GRM3: variants seen among roughly 807,000 people sequenced by gnomAD.
GRM3 encodes the protein metabotropic glutamate receptor 3.
Under a neutral mutation model 70.5 loss-of-function variants are expected in GRM3, and 26 were observed. The observed-to-expected ratio is 0.37, with a 90% CI of 0.27 to 0.51. The LOEUF (loss-of-function observed/expected upper bound fraction) is 0.51, where lower values mean the gene tolerates loss of function less well. Ranked by LOEUF, GRM3 falls within the 20% of genes least tolerant of loss-of-function variation. The pLI, the probability that GRM3 is intolerant of heterozygous loss-of-function variation, is 0.93. For synonymous variants in GRM3, 443 were observed against 434.9 expected, an observed-to-expected ratio of 1.02 and a Z score of -0.23; for missense variants, 859 against 1,123.8, an observed-to-expected ratio of 0.76 and a Z score of 3.37.
intron 1 of GRM3, among the ~76,000 whole-genome samples, chr7:86,655,137 A>G (rs1404088185): frequency 6.6e-6 from 1 of 152,220 alleles, no homozygotes; most frequent in African/African-American, 2.4e-5. Context: ...CTCAACATGA[A>G]TATCTAGTCT....
chr7:86,646,532 C>T (rs776986935), intron 1 of GRM3, among the ~76,000 whole-genome samples: 2 of 151,988 alleles, frequency 1.3e-5, no homozygotes, highest in Non-Finnish European at 2.9e-5. Flanking sequence ...AATGAAATTC[C>T]AGAATATCTA....
Position 86,765,269 on chromosome 7 carries a change from G to A in GRM3, c.124G>A (p.Gly42Arg). ...EIKIEGDLVL[G>R]GLFPINEKGT... ...TAAAATAGAAGGTGACCTTGTTTTA[G>A]GGGGCCTGTTTCCTATTAACGAAAA... The change falls in exon 2 of 6, where the codon GGG becomes AGG. Residue 42 changes from glycine to arginine, a missense_variant. Coordinates refer to ENST00000361669, the MANE Select transcript of GRM3 (RefSeq NM_000840.3). 6.2e-7 allele frequency: 1 copy of A among 1,613,830 alleles called. No individual in the cohort carries two copies. Among genetic ancestry groups the A allele is most frequent in the East Asian group, 2.2e-5 (1 of 44,860 alleles).
At chr7:86,749,481 C>T (rs1343675544) in intron 1 of GRM3, among the ~76,000 whole-genome samples, 1 of 151,992 alleles carries the variant, frequency 6.6e-6, no homozygotes, top group Non-Finnish European at 1.5e-5. Flanking sequence ...TGTGCTAAGC[C>T]ACAAGTAAAA....
At chr7:86,706,124 AC>A (rs1247428796) in intron 1 of GRM3, among the ~76,000 whole-genome samples, 3 of 151,932 alleles carry the variant, frequency 2.0e-5, no homozygotes, top group African/African-American at 7.3e-5. Context: ...ACTAAGAGAC[AC>A]AATTTATAAT....
At chr7:86,687,064 A>G (rs1314017854) in intron 1 of GRM3, among the ~76,000 whole-genome samples, 3 of 152,016 alleles carry the variant, frequency 2.0e-5, no homozygotes, top group African/African-American at 7.2e-5. Context: ...ATTAATCCCT[A>G]TAAAAGAAAA....
intron 1 of GRM3, among the ~76,000 whole-genome samples, chr7:86,741,584 A>G (rs911286469): frequency 3.0e-4 from 46 of 152,258 alleles, no homozygotes; most frequent in African/African-American, 1.0e-3. Flanking sequence ...CAGCTCACTA[A>G]TTTGCTACCC....
At position 86,686,482 on chromosome 7, in the gene GRM3, G is replaced by A. The variant is rs539958190; in HGVS notation, c.-141+41610G>A. ...GGGGTTGCAAAGATATTTCAGAGACGTTTTTAAGGAAAAACAGTTTAGTAT... is the reference window on the plus strand; with the variant it reads ...GGGGTTGCAAAGATATTTCAGAGACATTTTTAAGGAAAAACAGTTTAGTAT... On this transcript the variant is annotated intron_variant, in intron 1 of 5. Transcript: ENST00000361669. Among the ~76,000 whole-genome samples the A allele has an allele frequency of 2.0e-5, 3 of 152,242 alleles. No individual in the cohort carries two copies. In the South Asian group the frequency reaches 6.2e-4, roughly 32 times the overall value.
Position 86,786,887 on chromosome 7 carries a change from C to T in GRM3, c.1095C>T (p.Asn365=), listed in dbSNP as rs148805080. The T allele has an allele frequency of 2.1e-4, 333 of 1,614,090 alleles. No homozygotes were observed. Among genetic ancestry groups the T allele is most frequent in the Non-Finnish European group, 2.7e-4 (314 of 1,180,016 alleles). ...WEQKFQCSLQ[N]KRNHRRVCDK... is the part of the protein sequence containing the mutation. ...AAAAGTTTCAGTGCAGCCTCCAGAA[C>T]AAACGCAACCACAGGCGCGTCTGCG... The change falls in exon 3 of 6, where the codon AAC becomes AAT. Residue 365 remains asparagine (N), a synonymous_variant. Transcript: ENST00000361669. This position sits in a 1 kb window ranked among gnomAD's most constrained non-coding sequence, Gnocchi z 6.0.
chr7:86,778,926 G>A (rs542759897), intron 2 of GRM3, among the ~76,000 whole-genome samples: 1 of 152,298 alleles, frequency 6.6e-6, no homozygotes, highest in Non-Finnish European at 1.5e-5. Flanking sequence ...TCATACTGAA[G>A]TAGGGTAGGT....
chr7:86,689,872 T>A (rs1038297479), intron 1 of GRM3, among the ~76,000 whole-genome samples: 6 of 152,152 alleles, frequency 3.9e-5, no homozygotes, highest in African/African-American at 1.2e-4. Context: ...TATATTTGCT[T>A]ATAAGTAAAT....
chr7:86,698,954 G>A (rs749007014), intron 1 of GRM3, among the ~76,000 whole-genome samples: 5 of 151,958 alleles, frequency 3.3e-5, no homozygotes, highest in Non-Finnish European at 5.9e-5. Flanking sequence ...TTTTGCACAC[G>A]TATTGATGCT....
At chr7:86,714,671 A>C (rs1464961154) in intron 1 of GRM3, among the ~76,000 whole-genome samples, 3 of 152,068 alleles carry the variant, frequency 2.0e-5, no homozygotes, top group Non-Finnish European at 4.4e-5. Context: ...ATAAAGATTC[A>C]ATTTATTATC....
At chr7:86,743,482 A>G (rs1584208319) in intron 1 of GRM3, among the ~76,000 whole-genome samples, 1 of 152,090 alleles carries the variant, frequency 6.6e-6, no homozygotes, top group Admixed American at 6.6e-5. Flanking sequence ...ACATTTATCT[A>G]TAAGGGTCCA....
In GRM3 at chr7:86,648,221, A is replaced by T. The variant is rs111393741; in HGVS notation, c.-141+3349A>T. On this transcript the variant is annotated intron_variant, in intron 1 of 5. Transcript: ENST00000361669. ...TATGTTCCTAATAATTTAATTTACTAATGTAAGAATTAAGAAATTACCTTT... is the reference window on the plus strand; with the variant it reads ...TATGTTCCTAATAATTTAATTTACTTATGTAAGAATTAAGAAATTACCTTT... Among the ~76,000 whole-genome samples, 1,044 of 152,306 alleles carry T rather than the reference A, an allele frequency of 6.9e-3. 17 individuals carry two copies. Among genetic ancestry groups the T allele is most frequent in the African/African-American group, 0.024 (979 of 41,564 alleles).
chr7:86,742,715 T>C (rs10262216), intron 1 of GRM3, among the ~76,000 whole-genome samples: 3,349 of 152,168 alleles, frequency 0.022, 86 homozygotes, highest in African/African-American at 0.061. Context: ...GCAAAAATTC[T>C]TATTGAATCA....
chr7:86,743,524 T>G (rs1796036374), intron 1 of GRM3, among the ~76,000 whole-genome samples: 1 of 152,156 alleles, frequency 6.6e-6, no homozygotes, highest in Non-Finnish European at 1.5e-5. Context: ...TGCAGCTGCA[T>G]ATATTGTCCT....
rs749008137 is a variant in GRM3 at position 86,786,428 on chromosome 7, C to A, written c.636C>A (p.Tyr212Ter). 4 of 1,614,120 alleles carry A rather than the reference C, an allele frequency of 2.5e-6. No homozygotes were observed. In the Admixed American group the frequency reaches 5.0e-5, roughly 20 times the overall value. The change falls in exon 3 of 6, where the codon TAC (tyrosine) becomes TAA (stop). Residue 212 changes from tyrosine to a stop codon, truncating the protein, a stop_gained. Transcript: ENST00000361669. LOFTEE classifies it high-confidence loss of function. The surrounding 1 kb of genome is among the most constrained non-coding windows in gnomAD (Gnocchi z 6.0). ...AEILRFFNWT[Y>*]VSTVASEGDY... Reference sequence around the variant, plus strand: ...TCTTGCGCTTCTTCAACTGGACCTACGTGTCCACAGTAGCCTCCGAGGGTG... The same window carrying A: ...TCTTGCGCTTCTTCAACTGGACCTAAGTGTCCACAGTAGCCTCCGAGGGTG...
At chr7:86,752,492 G>A (rs775239720) in intron 1 of GRM3, among the ~76,000 whole-genome samples, 1 of 152,098 alleles carries the variant, frequency 6.6e-6, no homozygotes, top group African/African-American at 2.4e-5. Context: ...CAAGAGATAT[G>A]TTAGTCTTGT....
chr7:86,845,857 T>A (rs1798645596), intron 4 of GRM3, among the ~76,000 whole-genome samples: 1 of 152,192 alleles, frequency 6.6e-6, no homozygotes, highest in Non-Finnish European at 1.5e-5. Context: ...CACTATTGGC[T>A]TCAACTTTGA....
Sources: gnomAD v4.1 joint callset for allele counts (sites outside exome capture counted in the v4.1 genomes callset) on GRCh38, gnomAD v4.1.1 for gene constraint, Gnocchi (gnomAD v3.1) non-coding constraint, MANE v1.5 for transcripts, NCBI Gene and HGNC (gene_info 2026-07-23, HGNC 2026-07-21) for gene names.